The following PLEKHA6 variants were observed in gnomAD, a reference collection of about 807,000 sequenced individuals.
The protein encoded by PLEKHA6 is pleckstrin homology domain containing A6.
In PLEKHA6, 60 loss-of-function variants were observed where a neutral mutation model predicts 116.7. The ratio of observed to expected loss-of-function variants is 0.51; its 90% CI spans 0.42 to 0.64. PLEKHA6 has a LOEUF of 0.64. PLEKHA6 is among the 30% of genes least tolerant of loss of function. The pLI, the probability that PLEKHA6 is intolerant of heterozygous loss-of-function variation, is 0.00. For synonymous variants in PLEKHA6, 489 were observed against 556.1 expected, an observed-to-expected ratio of 0.88 and a Z score of 1.70; for missense variants, 1,338 against 1,422.7, an observed-to-expected ratio of 0.94 and a Z score of 0.96.
chr1:204,320,464 C>G (rs1348159610), intron 1 of PLEKHA6: 8 of 981,394 alleles, frequency 8.2e-6, no homozygotes, highest in Non-Finnish European at 9.7e-6. Context: ...GCAGTGGCTT[C>G]TATAGGAAGG....
chr1:204,243,758 G>A (rs1663195648), intron 15 of PLEKHA6, among the ~76,000 whole-genome samples: 1 of 151,966 alleles, frequency 6.6e-6, no homozygotes, highest in African/African-American at 2.4e-5. Flanking sequence ...TAGGATGCTG[G>A]GCTCCCTGAG....
chr1:204,234,700 C>T (rs1217732999), intron 17 of PLEKHA6, among the ~76,000 whole-genome samples: 2 of 151,870 alleles, frequency 1.3e-5, no homozygotes, highest in African/African-American at 4.8e-5. Flanking sequence ...GAAGGCAGAT[C>T]CATCCTTAAT....
chr1:204,373,545 T>C (rs535470369), intron 1 of PLEKHA6, among the ~76,000 whole-genome samples: 133 of 152,354 alleles, frequency 8.7e-4, no homozygotes, highest in African/African-American at 3.1e-3. Flanking sequence ...TTTTTCCATA[T>C]TGTGGTGTGT....
chr1:204,273,710 A>C lies in PLEKHA6; in HGVS notation c.18T>G (p.Gly6=), dbSNP rs33911350. 0.18 allele frequency: 283,887 copies of C among 1,612,072 alleles called. 26,090 individuals are homozygous for C. The highest frequency in any genetic ancestry group is 0.26 in the East Asian group (11,744 of 44,822). Residue 6 remains glycine, a synonymous_variant, in exon 3 of 23, where the codon GGT becomes GGG. Transcript: ENST00000272203. ...TGTTGGTGGTAGCCGGGCGTTTCCC[A>C]CCTGTTTTATTGGACATGTCCAAGG... is the stretch of plus-strand genomic sequence containing the variant. MSNKT[G]GKRPATTNSD...
intron 17 of PLEKHA6, among the ~76,000 whole-genome samples, chr1:204,241,042 G>C (rs1294779774): frequency 6.6e-6 from 1 of 152,114 alleles, no homozygotes; most frequent in African/African-American, 2.4e-5. Context: ...GGCTCTTCTT[G>C]CTCCTCAGCT....
At chr1:204,239,484 C>A (rs1662504011) in intron 17 of PLEKHA6, among the ~76,000 whole-genome samples, 1 of 152,190 alleles carries the variant, frequency 6.6e-6, no homozygotes, top group African/African-American at 2.4e-5. Context: ...GTTTGCCTAT[C>A]CTGTATGCAA....
At chr1:204,283,007 G>A (rs1668789675) in intron 1 of PLEKHA6, among the ~76,000 whole-genome samples, 1 of 152,026 alleles carries the variant, frequency 6.6e-6, no homozygotes, top group African/African-American at 2.4e-5. Context: ...AATTAATTAT[G>A]CCCCCCCACC....
chr1:204,252,904 A>C (rs755189180), intron 9 of PLEKHA6, among the ~76,000 whole-genome samples: 7 of 152,304 alleles, frequency 4.6e-5, no homozygotes, highest in Non-Finnish European at 7.3e-5. Flanking sequence ...TCCTTCCCCA[A>C]CACGCAGATC....
intron 1 of PLEKHA6, among the ~76,000 whole-genome samples, chr1:204,276,471 G>T (rs1015346941): frequency 5.3e-5 from 8 of 152,048 alleles, no homozygotes; most frequent in Non-Finnish European, 1.0e-4. Context: ...TGGTGGTCTG[G>T]GGGGCAAGCA....
Position 204,228,352 on chromosome 1 carries a change from C to T in PLEKHA6, c.2886-124G>A. Reference sequence around the variant, plus strand: ...CCCGTGAATGTGCAGTCTCTGGTTCCCAGCAAGGCTGTCCCTAGGAGTGAG... The same window carrying T: ...CCCGTGAATGTGCAGTCTCTGGTTCTCAGCAAGGCTGTCCCTAGGAGTGAG... On this transcript the variant is annotated intron_variant, in intron 20 of 22. Coordinates refer to ENST00000272203, the MANE Select transcript of PLEKHA6 (RefSeq NM_014935.5). This position sits in a 1 kb window ranked among gnomAD's most constrained non-coding sequence, Gnocchi z 4.0. 1 of 957,072 alleles carries T rather than the reference C, an allele frequency of 1.0e-6. No individual in the cohort carries two copies. Among genetic ancestry groups the T allele is most frequent in the Non-Finnish European group, 1.6e-6 (1 of 635,552 alleles). 59.3% of individuals were successfully genotyped at this position (957,072 alleles called of 1,614,324 possible).
At chr1:204,263,655 G>C (rs1444198589) in intron 6 of PLEKHA6, among the ~76,000 whole-genome samples, 1 of 152,142 alleles carries the variant, frequency 6.6e-6, no homozygotes, top group Non-Finnish European at 1.5e-5. Context: ...TCTCACGCCT[G>C]CTGCTGGCAG....
At chr1:204,369,175 T>C (rs1353452655) in intron 2 of PLEKHA6, 1 of 152,226 alleles carries the variant, frequency 6.6e-6, no homozygotes, top group Non-Finnish European at 1.5e-5. Flanking sequence ...ACTTCCTTCC[T>C]CTAAGCTATG....
Position 204,223,400 on chromosome 1 carries a change from A to G in PLEKHA6, c.*8+62T>C, listed in dbSNP as rs919535232. On this transcript the variant is annotated intron_variant, in intron 22 of 22. Transcript: ENST00000272203. This position sits in a 1 kb window ranked among gnomAD's most constrained non-coding sequence, Gnocchi z 4.8. ...AAAATGAGAGGGCATAGATGGCTCA[A>G]TGGGGGTGAAGGAAGGGGCCCCACT... 5 of 825,942 alleles carry G rather than the reference A, an allele frequency of 6.1e-6. No individual in the cohort carries two copies. Among genetic ancestry groups the G allele is most frequent in the African/African-American group, 3.4e-5 (2 of 59,108 alleles). 51.2% of individuals were successfully genotyped at this position (825,942 alleles called of 1,614,324 possible). A position where few individuals can be genotyped will look rare whatever the true frequency, so the allele number is the denominator to read the frequency against.
intron 1 of PLEKHA6, among the ~76,000 whole-genome samples, chr1:204,294,225 T>C (rs918852968): frequency 6.6e-6 from 1 of 152,146 alleles, no homozygotes; most frequent in African/African-American, 2.4e-5. Flanking sequence ...GAAAATCTTG[T>C]CCAGAAGATA....
chr1:204,234,915 C>A (rs1183769574), intron 17 of PLEKHA6, among the ~76,000 whole-genome samples: 1 of 139,748 alleles, frequency 7.2e-6, no homozygotes, highest in Non-Finnish European at 1.5e-5. Flanking sequence ...TATTGTGGGA[C>A]CTTGGGATCA....
At position 204,228,188 on chromosome 1, in the gene PLEKHA6, CCA is replaced by C. The variant is rs777742861; in HGVS notation, c.2924_2925del (p.Val975GlyfsTer18). On this transcript the variant is annotated frameshift_variant, in exon 21 of 23. Transcript: ENST00000272203. LOFTEE classifies it high-confidence loss of function. The surrounding 1 kb of genome is among the most constrained non-coding windows in gnomAD (Gnocchi z 4.0). ...NVVPIGEGDSVDVPQDSESQL... is the reference protein window; with the variant it reads ...NVVPIGEGDSXDVPQDSESQL... Reference sequence around the variant, plus strand: ...TGGCTCTCTGAGTCCTGGGGCACGTCCACAGAGTCCCCCTCGCCGATGGGCAC... The same window carrying C: ...TGGCTCTCTGAGTCCTGGGGCACGTCCAGAGTCCCCCTCGCCGATGGGCAC... 6.2e-7 allele frequency: 1 copy of C among 1,611,988 alleles called. No homozygotes were observed.
chr1:204,323,946 G>T (rs1672154143), intron 1 of PLEKHA6, among the ~76,000 whole-genome samples: 1 of 152,142 alleles, frequency 6.6e-6, no homozygotes. Flanking sequence ...CCAGAGCTGT[G>T]CTCTTCAAGT....
chr1:204,336,421 G>A (rs1179655998), intron 1 of PLEKHA6, among the ~76,000 whole-genome samples: 2 of 152,170 alleles, frequency 1.3e-5, no homozygotes, highest in South Asian at 2.1e-4. Flanking sequence ...TATCCAATAC[G>A]ATCTTCTGCT....
At chr1:204,264,845 C>T in intron 6 of PLEKHA6, 97 bp downstream of exon 6, 1 of 924,342 alleles carries the variant, frequency 1.1e-6, no homozygotes. Context: ...CCTGGGATTC[C>T]TTAGAGCGAT....
Sources: gnomAD v4.1 joint callset for allele counts (sites outside exome capture counted in the v4.1 genomes callset) on GRCh38, gnomAD v4.1.1 for gene constraint, Gnocchi (gnomAD v3.1) non-coding constraint, MANE v1.5 for transcripts, NCBI Gene and HGNC (gene_info 2026-07-23, HGNC 2026-07-21) for gene names.